The following LRRC1 variants were observed in gnomAD, a reference collection of about 807,000 sequenced individuals.
LRRC1 encodes leucine rich repeat containing 1.
In LRRC1, 28 loss-of-function variants were observed where a neutral mutation model predicts 69.9. That is an observed-to-expected ratio of 0.40 (90% CI 0.30 to 0.55). The LOEUF (loss-of-function observed/expected upper bound fraction) is 0.55. LRRC1 is among the 20% of genes least tolerant of loss of function. The pLI, the probability that LRRC1 is intolerant of heterozygous loss-of-function variation, is 0.47. For synonymous variants in LRRC1, 236 were observed against 240.2 expected (o/e 0.98, Z 0.16); for missense variants, 498 against 609.0 (o/e 0.82, Z 1.92).
intron 4 of LRRC1, among the ~76,000 whole-genome samples, chr6:53,893,486 T>C (rs1767768251): frequency 6.6e-6 from 1 of 152,184 alleles, no homozygotes; most frequent in Non-Finnish European, 1.5e-5. Context: ...TATAAGGATA[T>C]TCTTTTATAT....
At position 53,913,760 on chromosome 6, in the gene LRRC1, T is replaced by A. The variant is rs1246449058; in HGVS notation, c.991-94T>A. The A allele has an allele frequency of 4.4e-6, 3 of 676,448 alleles. No homozygotes were observed. The Admixed American group carries it at 7.2e-5, about 16-fold the overall frequency. 41.9% of individuals were successfully genotyped at this position (676,448 alleles called of 1,614,324 possible). ...GAGTTATGTGGTATAAGTTTATGCA[T>A]CCTTTTTATACTGTTTGGTAAACAA... On this transcript the variant is annotated intron_variant, in intron 10 of 13. Coordinates refer to ENST00000370888, the MANE Select transcript of LRRC1 (RefSeq NM_018214.5).
intron 2 of LRRC1, among the ~76,000 whole-genome samples, chr6:53,859,658 G>A (rs1256075738): frequency 6.6e-6 from 1 of 152,018 alleles, no homozygotes; most frequent in African/African-American, 2.4e-5. Context: ...GGATTACCAG[G>A]CCATTGTGAC....
intron 8 of LRRC1, 111 bp from the exon 9 acceptor site, chr6:53,902,518 A>G (rs1768092722): frequency 1.7e-6 from 1 of 579,730 alleles, no homozygotes; most frequent in African/African-American, 1.9e-5. Flanking sequence ...TGAGGAAAAA[A>G]TAAGTAACTG....
At chr6:53,884,054 T>G (rs1767387447) in intron 4 of LRRC1, 1 of 715,470 alleles carries the variant, frequency 1.4e-6, no homozygotes, top group African/African-American at 1.8e-5. Flanking sequence ...TAATTAAAAA[T>G]TCTGCCCTTA....
chr6:53,827,203 T>A (rs913674743), intron 1 of LRRC1, among the ~76,000 whole-genome samples: 2 of 151,940 alleles, frequency 1.3e-5, no homozygotes, highest in African/African-American at 4.8e-5. Flanking sequence ...CTGCCCATTT[T>A]CCAGCCTAGA....
chr6:53,798,800 C>A lies in LRRC1; in HGVS notation c.159+3385C>A, dbSNP rs79616999. On this transcript the variant is annotated intron_variant, in intron 1 of 13. Coordinates refer to ENST00000370888, the MANE Select transcript of LRRC1 (RefSeq NM_018214.5). ...TATAAAAATCTTCCTCCCTCTGCTT[C>A]TTTCTTTTCCCTTAAGCATATCACT... Among the ~76,000 whole-genome samples, 685 of 152,358 alleles carry A rather than the reference C, an allele frequency of 4.5e-3. 3 individuals carry two copies. Among genetic ancestry groups the A allele is most frequent in the African/African-American group, 0.016 (649 of 41,584 alleles).
chr6:53,861,733 T>G (rs1453759036), intron 2 of LRRC1, among the ~76,000 whole-genome samples: 1 of 151,918 alleles, frequency 6.6e-6, no homozygotes, highest in Non-Finnish European at 1.5e-5. Flanking sequence ...TGCACCCTCC[T>G]CTCACCTTCT....
intron 2 of LRRC1, among the ~76,000 whole-genome samples, chr6:53,866,052 T>G (rs1766693417): frequency 6.6e-6 from 1 of 152,002 alleles, no homozygotes; most frequent in Non-Finnish European, 1.5e-5. Flanking sequence ...GACAGAGGTC[T>G]TGATATTTCC....
intron 8 of LRRC1, among the ~76,000 whole-genome samples, chr6:53,902,092 G>C (rs143775562): frequency 4.7e-4 from 71 of 152,284 alleles, no homozygotes; most frequent in Non-Finnish European, 9.1e-4. Context: ...TCTTTCCCAT[G>C]AACAGTGGGT....
chr6:53,859,350 C>T (rs1024357733), intron 2 of LRRC1, among the ~76,000 whole-genome samples: 51 of 152,240 alleles, frequency 3.3e-4, no homozygotes, highest in African/African-American at 1.2e-3. Context: ...TTTCTACCTC[C>T]TAAGGAATAT....
intron 3 of LRRC1, among the ~76,000 whole-genome samples, chr6:53,882,231 C>T (rs1767315494): frequency 6.6e-6 from 1 of 152,114 alleles, no homozygotes; most frequent in Non-Finnish European, 1.5e-5. Context: ...GCCTGTAATC[C>T]CAGCTACTCA....
At chr6:53,876,476 C>T (rs1767073618) in intron 2 of LRRC1, among the ~76,000 whole-genome samples, 1 of 152,194 alleles carries the variant, frequency 6.6e-6, no homozygotes, top group Admixed American at 6.5e-5. Context: ...AGCATTAACT[C>T]AAAAGTCCAC....
chr6:53,877,828 G>A (rs1157578964), intron 2 of LRRC1, among the ~76,000 whole-genome samples: 1 of 152,178 alleles, frequency 6.6e-6, no homozygotes, highest in Non-Finnish European at 1.5e-5. Flanking sequence ...TGTCTTCTGA[G>A]CCCTCCAGAC....
intron 2 of LRRC1, among the ~76,000 whole-genome samples, chr6:53,850,519 CAA>C (rs1766091271): frequency 6.6e-6 from 1 of 152,048 alleles, no homozygotes; most frequent in Admixed American, 6.5e-5. Flanking sequence ...TAAGGTTCAT[CAA>C]AAAATCAAAG....
chr6:53,842,275 G>T (rs1433469144), intron 2 of LRRC1, 48 bp downstream of exon 2: 3 of 1,346,290 alleles, frequency 2.2e-6, no homozygotes, highest in South Asian at 1.2e-5. Context: ...TCAGATGCTG[G>T]GGGTGTTTTT....
intron 10 of LRRC1, chr6:53,904,697 A>G (rs574488428): frequency 2.2e-5 from 6 of 267,324 alleles, no homozygotes; most frequent in Admixed American, 1.1e-4. Flanking sequence ...GGAGAAAGAA[A>G]GAGATTGACA....
chr6:53,888,614 GAGAA>G (rs1296311899), intron 4 of LRRC1, among the ~76,000 whole-genome samples: 3 of 152,132 alleles, frequency 2.0e-5, no homozygotes, highest in Non-Finnish European at 2.9e-5. Flanking sequence ...CAATTCAGTG[GAGAA>G]AGAATAGTCT....
intron 2 of LRRC1, among the ~76,000 whole-genome samples, chr6:53,845,805 G>T (rs1271520658): frequency 6.6e-6 from 1 of 152,192 alleles, no homozygotes; most frequent in Non-Finnish European, 1.5e-5. Context: ...GCTCCCAGGG[G>T]ATGCCAACCC....
At chr6:53,855,394 C>T (rs1419713105) in intron 2 of LRRC1, among the ~76,000 whole-genome samples, 1 of 152,148 alleles carries the variant, frequency 6.6e-6, no homozygotes, top group African/African-American at 2.4e-5. Flanking sequence ...TTAGGCAAAA[C>T]TGGAAGGTTG....
Sources: gnomAD v4.1 joint callset for allele counts (sites outside exome capture counted in the v4.1 genomes callset) on GRCh38, gnomAD v4.1.1 for gene constraint, MANE v1.5 for transcripts, NCBI Gene and HGNC (gene_info 2026-07-23, HGNC 2026-07-21) for gene names.